The following IQCK variants were observed in gnomAD, a reference collection of about 807,000 sequenced individuals.
IQCK encodes IQ domain-containing protein K.
IQCK carries 29 observed loss-of-function variants against 28.1 expected under a neutral mutation model. That is an observed-to-expected ratio of 1.03 (90% CI 0.77 to 1.41). The LOEUF is 1.41. Among genes scored for constraint, IQCK ranks in the 40% most tolerant of loss-of-function variants. IQCK has a pLI of 0.00. For synonymous variants in IQCK, 113 were observed against 115.1 expected (o/e 0.98, Z 0.12); for missense variants, 359 against 314.7 (o/e 1.14, Z -1.07).
chr16:19,827,182 T>TG lies in IQCK; in HGVS notation c.848dup (p.Ter283TrpfsTer?). The TG allele has an allele frequency of 7.4e-7, 1 of 1,354,610 alleles. No homozygotes were observed. The highest frequency in any genetic ancestry group is 1.1e-6 in the Non-Finnish European group (1 of 944,426). 83.9% of individuals were successfully genotyped at this position (1,354,610 alleles called of 1,614,324 possible). A position where few individuals can be genotyped will look rare whatever the true frequency, so the allele number is the denominator to read the frequency against. ...GTCCTTAGTTCATTCAAGAAAAGCC[T>TG]GATTCTTATTCCAGGCTCAAGAAGG... On this transcript the variant is annotated frameshift_variant and stop_lost, in exon 8 of 8. Transcript: ENST00000564186. LOFTEE classifies it high-confidence loss of function.
chr16:19,837,539 G>A (rs1332110801), intron 9 of IQCK, among the ~76,000 whole-genome samples: 1 of 152,174 alleles, frequency 6.6e-6, no homozygotes, highest in Admixed American at 6.6e-5. Flanking sequence ...GGACAATTAG[G>A]ATCTGTCACA....
chr16:19,775,248 AGAC>A (rs1181554329), intron 6 of IQCK, among the ~76,000 whole-genome samples: 2 of 151,462 alleles, frequency 1.3e-5, no homozygotes, highest in African/African-American at 4.9e-5. Context: ...AAAAAAAAGA[AGAC>A]TTTTTAAAAT....
intron 6 of IQCK, among the ~76,000 whole-genome samples, chr16:19,781,954 A>T (rs1198443321): frequency 6.6e-6 from 1 of 151,898 alleles, no homozygotes. Flanking sequence ...GTGCCACTGC[A>T]CTCCAGCCTG....
At position 19,764,020 on chromosome 16, in the gene IQCK, T is replaced by G; in HGVS notation, c.528-15T>G. 6.2e-7 allele frequency: 1 copy of G among 1,613,158 alleles called. No homozygotes were observed. The highest frequency in any genetic ancestry group is 8.5e-7 in the Non-Finnish European group (1 of 1,179,086). On this transcript the variant is annotated splice_polypyrimidine_tract_variant and intron_variant, in intron 5 of 7. Transcript: ENST00000564186. ...ATTGTTTTCTTGTCAATCAAACATA[T>G]GGCATCATGACCAGCCAAAATCCAA...
intron 9 of IQCK, among the ~76,000 whole-genome samples, chr16:19,846,068 C>T (rs188264394): frequency 5.3e-5 from 8 of 152,130 alleles, no homozygotes; most frequent in Non-Finnish European, 1.2e-4. Flanking sequence ...TAGAGCGAGA[C>T]CCCATCTCAA....
At chr16:19,853,916 C>T (rs1046728121) in intron 9 of IQCK, among the ~76,000 whole-genome samples, 2 of 152,264 alleles carry the variant, frequency 1.3e-5, no homozygotes, top group Admixed American at 6.5e-5. Flanking sequence ...GCGTGAGCCA[C>T]TGTGCCCAGC....
At chr16:19,840,725 C>T (rs572674637) in intron 9 of IQCK, among the ~76,000 whole-genome samples, 16 of 152,276 alleles carry the variant, frequency 1.1e-4, no homozygotes, top group Non-Finnish European at 1.5e-4. Context: ...TCTGGGGCCA[C>T]ACAGCAAAAA....
intron 6 of IQCK, among the ~76,000 whole-genome samples, chr16:19,772,467 GAT>G (rs1207937991): frequency 6.6e-6 from 1 of 152,052 alleles, no homozygotes; most frequent in African/African-American, 2.4e-5. Context: ...TATTATTTAA[GAT>G]ATGATGATGA....
chr16:19,824,302 A>C (rs2056114645), intron 7 of IQCK, among the ~76,000 whole-genome samples: 1 of 152,194 alleles, frequency 6.6e-6, no homozygotes. Flanking sequence ...TCACATGTGC[A>C]GTTCACAATA....
intron 4 of IQCK, 146 bp downstream of exon 4, chr16:19,735,596 G>C: frequency 1.5e-6 from 1 of 665,210 alleles, no homozygotes; most frequent in South Asian, 1.8e-5. Flanking sequence ...CACTTACCCA[G>C]TTCCAGCCAC....
intron 7 of IQCK, among the ~76,000 whole-genome samples, chr16:19,790,630 A>G (rs2055605384): frequency 8.7e-6 from 1 of 114,400 alleles, no homozygotes; most frequent in Non-Finnish European, 1.5e-5. Context: ...TTAATAACAA[A>G]TATTTGCTAC....
At chr16:19,853,944 C>T (rs1433955064) in intron 9 of IQCK, among the ~76,000 whole-genome samples, 1 of 152,228 alleles carries the variant, frequency 6.6e-6, no homozygotes, top group African/African-American at 2.4e-5. Context: ...CCAACTCTCT[C>T]TCTAGCAGCT....
chr16:19,811,728 C>T (rs2055907998), intron 7 of IQCK, among the ~76,000 whole-genome samples: 1 of 152,172 alleles, frequency 6.6e-6, no homozygotes, highest in Non-Finnish European at 1.5e-5. Context: ...TGAGCAAGAA[C>T]TGAAAGTTGT....
intron 9 of IQCK, among the ~76,000 whole-genome samples, chr16:19,847,504 G>A (rs1415442566): frequency 6.6e-6 from 1 of 152,150 alleles, no homozygotes; most frequent in Non-Finnish European, 1.5e-5. Flanking sequence ...TTCCCTTGAG[G>A]TAAACTCTGT....
rs768568471 is a variant in IQCK, at chr16:19,856,481, T to C, written c.803-6T>C. The C allele has an allele frequency of 1.9e-5, 30 of 1,612,712 alleles. No homozygotes were observed. Among genetic ancestry groups the C allele is most frequent in the Admixed American group, 8.3e-5 (5 of 59,914 alleles). On this transcript the variant is annotated splice_region_variant and splice_polypyrimidine_tract_variant and intron_variant, in intron 9 of 9. Transcript: ENST00000320394. Reference sequence around the variant, plus strand: ...GATCCTGACTTTCCCTTTCTTTTCTTTGCAGTGAAATGCAAAATGGAGGAC... The same window carrying C: ...GATCCTGACTTTCCCTTTCTTTTCTCTGCAGTGAAATGCAAAATGGAGGAC...
chr16:19,828,424 G>A (rs1474286198), downstream of IQCK, among the ~76,000 whole-genome samples: 2 of 147,244 alleles, frequency 1.4e-5, no homozygotes, highest in Non-Finnish European at 3.0e-5. Context: ...AGTAGAGACA[G>A]GGTGTCACCA....
chr16:19,828,231 CTTTTTTTTTTTTTTT>C (rs749049124), downstream of IQCK, among the ~76,000 whole-genome samples: 1 of 107,254 alleles, frequency 9.3e-6, no homozygotes, highest in Non-Finnish European at 1.8e-5. Context: ...TCTTTCTTTT[CTTTTTTTTTTTTTTT>C]TTTTTGAGAT....
intron 7 of IQCK, among the ~76,000 whole-genome samples, chr16:19,809,440 C>T (rs1414186667): frequency 6.6e-6 from 1 of 152,180 alleles, no homozygotes; most frequent in Non-Finnish European, 1.5e-5. Flanking sequence ...TGGCTGCTGG[C>T]TGGGGCACCA....
chr16:19,747,056 A>G (rs1051505626), intron 4 of IQCK, among the ~76,000 whole-genome samples: 3 of 152,196 alleles, frequency 2.0e-5, no homozygotes, highest in African/African-American at 7.2e-5. Flanking sequence ...AGGCAGAAGG[A>G]TCATTGAGCT....
Sources: allele counts gnomAD v4.1 joint callset (sites outside exome capture counted in the v4.1 genomes callset), GRCh38; gene constraint gnomAD v4.1.1; transcripts MANE v1.5; gene names NCBI Gene and HGNC (gene_info 2026-07-23, HGNC 2026-07-21).